The following CACNA1B variants were observed in gnomAD, a reference collection of about 807,000 sequenced individuals.
CACNA1B encodes voltage-dependent N-type calcium channel subunit alpha-1B.
Under a neutral mutation model 247.2 loss-of-function variants are expected in CACNA1B, and 70 were observed. The observed-to-expected ratio is 0.28, with a 90% CI of 0.23 to 0.35. CACNA1B has a LOEUF of 0.35. Among genes scored for constraint, CACNA1B ranks in the 10% least tolerant of loss-of-function variants. CACNA1B has a pLI of 1.00. For missense variants in CACNA1B, 2,367 were observed against 3,197.4 expected (o/e 0.74, Z 6.26); for synonymous variants, 1,231 against 1,294.4 (o/e 0.95, Z 1.05).
intron 3 of CACNA1B, among the ~76,000 whole-genome samples, chr9:137,893,512 A>G (rs6559253): frequency 0.5 from 75,870 of 151,298 alleles, 20,287 homozygotes; most frequent in African/African-American, 0.69. Flanking sequence ...TGAGCCGGGC[A>G]AGGTGGCACG....
At chr9:137,892,835 G>A (rs562414994) in intron 3 of CACNA1B, among the ~76,000 whole-genome samples, 17 of 152,350 alleles carry the variant, frequency 1.1e-4, no homozygotes, top group African/African-American at 3.6e-4. Flanking sequence ...GGTGGAATTC[G>A]ACACTGCAGG....
chr9:138,083,369 C>G (rs569059692), intron 36 of CACNA1B, among the ~76,000 whole-genome samples: 1 of 151,252 alleles, frequency 6.6e-6, no homozygotes, highest in Non-Finnish European at 1.5e-5. Context: ...AGCTGCTTCA[C>G]CTACCCTTCC....
chr9:137,958,570 T>C (rs574079369), intron 10 of CACNA1B, among the ~76,000 whole-genome samples: 1 of 152,364 alleles, frequency 6.6e-6, no homozygotes, highest in South Asian at 2.1e-4. Flanking sequence ...GCTGATCGTC[T>C]GCTGATGGCC....
At chr9:137,904,605 C>T (rs4876918) in intron 3 of CACNA1B, among the ~76,000 whole-genome samples, 9 of 151,938 alleles carry the variant, frequency 5.9e-5, no homozygotes, top group African/African-American at 1.4e-4. Flanking sequence ...TGGGCTCAGG[C>T]GATCCTCCCA....
chr9:138,092,431 A>C (rs1480766557), intron 36 of CACNA1B, among the ~76,000 whole-genome samples: 1 of 152,236 alleles, frequency 6.6e-6, no homozygotes, highest in African/African-American at 2.4e-5. Flanking sequence ...AAGAAGAGAA[A>C]TATGGCTCTG....
chr9:137,922,610 C>T (rs892184822), intron 6 of CACNA1B, among the ~76,000 whole-genome samples: 1 of 151,990 alleles, frequency 6.6e-6, no homozygotes, highest in African/African-American at 2.4e-5. Context: ...GGGTGGCAAC[C>T]GCAGATGACT....
rs1961217312 is a variant in CACNA1B, at chr9:138,100,517, C to T, written c.5223-2194C>T. Among the ~76,000 whole-genome samples, 1 of 152,082 alleles carries T rather than the reference C, an allele frequency of 6.6e-6. No individual in the cohort carries two copies. Among genetic ancestry groups the T allele is most frequent in the African/African-American group, 2.4e-5 (1 of 41,404 alleles). Reference sequence around the variant, plus strand: ...CGAGGTGGGGCTTCCTGTTTCTTCCCTTTTACAGAAGGAAATTCAACATGA... The same window carrying T: ...CGAGGTGGGGCTTCCTGTTTCTTCCTTTTTACAGAAGGAAATTCAACATGA... On this transcript the variant is annotated intron_variant, in intron 37 of 46. Transcript: ENST00000371372. This position sits in a 1 kb window ranked among gnomAD's most constrained non-coding sequence, Gnocchi z 4.6.
chr9:138,074,388 G>GGC (rs1960241515), intron 34 of CACNA1B, among the ~76,000 whole-genome samples: 2 of 152,010 alleles, frequency 1.3e-5, no homozygotes, highest in Admixed American at 6.5e-5. Context: ...TTATAGATGT[G>GGC]TGCCACCACG....
At chr9:138,009,328 G>A (rs184853909) in intron 16 of CACNA1B, among the ~76,000 whole-genome samples, 45 of 152,350 alleles carry the variant, frequency 3.0e-4, no homozygotes, top group Non-Finnish European at 4.4e-5. Context: ...GCCATCTGCC[G>A]TCTCCACGGC....
chr9:138,087,713 C>CAAAAAAAAAAAAAAAA (rs57138546), intron 36 of CACNA1B, among the ~76,000 whole-genome samples: 1 of 35,454 alleles, frequency 2.8e-5, no homozygotes, highest in East Asian at 7.3e-4. Flanking sequence ...GACTCCGTCT[C>CAAAAAAAAAAAAAAAA]AAAAAAAAAA....
At position 137,950,019 on chromosome 9, in the gene CACNA1B, CA is replaced by C. The variant is rs1237473722; in HGVS notation, c.967-2254del. ...AAACTGGCCATTTTTGGCCTTTCAG[CA>C]TGGGACCTTGGATCTCAGTTAAGCA... On this transcript the variant is annotated intron_variant, in intron 6 of 46. Coordinates refer to ENST00000371372, the MANE Select transcript of CACNA1B (RefSeq NM_000718.4). The surrounding 1 kb of genome is among the most constrained non-coding windows in gnomAD (Gnocchi z 4.8). Among the ~76,000 whole-genome samples the C allele has an allele frequency of 1.3e-5, 2 of 152,234 alleles. No homozygotes were observed. The highest frequency in any genetic ancestry group is 2.9e-5 in the Non-Finnish European group (2 of 68,032).
chr9:137,942,637 C>T (rs1233818489), intron 6 of CACNA1B, among the ~76,000 whole-genome samples: 1 of 152,284 alleles, frequency 6.6e-6, no homozygotes, highest in East Asian at 1.9e-4. Flanking sequence ...TACTACTCAG[C>T]CATAAAATGG....
intron 3 of CACNA1B, among the ~76,000 whole-genome samples, chr9:137,905,941 G>A (rs1957294237): frequency 2.0e-5 from 3 of 152,292 alleles, no homozygotes; most frequent in South Asian, 4.2e-4. Context: ...CACATTTGCT[G>A]GCTGGAATGG....
intron 36 of CACNA1B, among the ~76,000 whole-genome samples, chr9:138,079,284 T>C (rs1960433088): frequency 6.6e-6 from 1 of 152,030 alleles, no homozygotes; most frequent in Admixed American, 6.5e-5. Context: ...AGAAGAAGGC[T>C]GAAGACTCTA....
chr9:138,086,733 TC>T (rs1295121729), intron 36 of CACNA1B, among the ~76,000 whole-genome samples: 1 of 151,194 alleles, frequency 6.6e-6, no homozygotes, highest in Non-Finnish European at 1.5e-5. Context: ...TACCCTATGC[TC>T]CGCATTGAAC....
chr9:137,907,103 T>C (rs1957308060), intron 3 of CACNA1B, among the ~76,000 whole-genome samples: 1 of 152,246 alleles, frequency 6.6e-6, no homozygotes, highest in Non-Finnish European at 1.5e-5. Flanking sequence ...TGTGTATCCA[T>C]AAATGATGTA....
At chr9:137,922,149 A>T (rs1044873871) in intron 6 of CACNA1B, among the ~76,000 whole-genome samples, 1 of 147,046 alleles carries the variant, frequency 6.8e-6, no homozygotes, top group Non-Finnish European at 1.5e-5. Context: ...GTGCTCGGAG[A>T]ACATGATCAA....
Position 138,049,304 on chromosome 9 carries a change from G to T in CACNA1B, c.3699G>T (p.Ala1233=), listed in dbSNP as rs181038379. 1.9e-6 allele frequency: 3 copies of T among 1,606,754 alleles called. No individual in the cohort carries two copies. Among genetic ancestry groups the T allele is most frequent in the East Asian group, 4.5e-5 (2 of 44,868 alleles). Reference sequence around the variant, plus strand: ...TTGTGGTCAGTGGCGCCCTGGTGGCGTTTGCTTTCTCGTAAGTAACGTTCG... The same window carrying T: ...TTGTGGTCAGTGGCGCCCTGGTGGCTTTTGCTTTCTCGTAAGTAACGTTCG... The part of the protein sequence containing the change: ...DFIVVSGALV[A]FAFSGSKGKD... The change falls in exon 24 of 47, where the codon GCG becomes GCT. Residue 1233 remains alanine (A), a synonymous_variant. Transcript: ENST00000371372.
At chr9:138,029,244 G>A (rs1958958539) in intron 20 of CACNA1B, among the ~76,000 whole-genome samples, 1 of 152,180 alleles carries the variant, frequency 6.6e-6, no homozygotes, top group Non-Finnish European at 1.5e-5. Flanking sequence ...CCCGTTATTG[G>A]TTCATAAAAA....
Sources: allele counts gnomAD v4.1 joint callset (sites outside exome capture counted in the v4.1 genomes callset), GRCh38; gene constraint gnomAD v4.1.1; non-coding constraint Gnocchi (gnomAD v3.1); transcripts MANE v1.5; gene names NCBI Gene and HGNC (gene_info 2026-07-23, HGNC 2026-07-21).